Variants in GLIS3 observed in about 807,000 individuals in gnomAD.
GLIS3 encodes the protein GLIS family zinc finger 3.
GLIS3 carries 53 observed loss-of-function variants against 78.6 expected under a neutral mutation model. The ratio of observed to expected loss-of-function variants is 0.67; its 90% CI spans 0.54 to 0.85. GLIS3 has a LOEUF of 0.85. Among genes scored for constraint, GLIS3 ranks in the 40% least tolerant of loss-of-function variants. The pLI is 0.00. For missense variants in GLIS3, 1,703 were observed against 1,231.1 expected, an observed-to-expected ratio of 1.38 and a Z score of -5.74; for synonymous variants, 684 against 509.9, an observed-to-expected ratio of 1.34 and a Z score of -4.60.
the GLIS3 span, among the ~76,000 whole-genome samples, chr9:4,407,596 G>A: frequency 3.3e-5 from 5 of 152,202 alleles, no homozygotes; most frequent in East Asian, 1.9e-4. Context: ...GCGGTGAGCC[G>A]AGATCTCGCC....
the GLIS3 span, among the ~76,000 whole-genome samples, chr9:4,470,408 G>A: frequency 1.3e-5 from 2 of 152,154 alleles, no homozygotes; most frequent in Admixed American, 6.5e-5. Context: ...TATCCACCAC[G>A]ATCAAGTTGG....
chr9:4,192,966 G>A (rs1196346649), intron 2 of GLIS3, among the ~76,000 whole-genome samples: 1 of 152,262 alleles, frequency 6.6e-6, no homozygotes, highest in African/African-American at 2.4e-5. Flanking sequence ...GAAGAGTGCA[G>A]TGCAAGCTAT....
At chr9:4,147,763 AAC>A (rs1834341596) in intron 2 of GLIS3, 3 of 151,458 alleles carry the variant, frequency 2.0e-5, no homozygotes, top group African/African-American at 7.3e-5. Flanking sequence ...CAGGTGGGTG[AAC>A]TCACCCACCC....
At chr9:4,168,920 C>T (rs930611740) in intron 2 of GLIS3, among the ~76,000 whole-genome samples, 53 of 152,274 alleles carry the variant, frequency 3.5e-4, no homozygotes, top group Admixed American at 3.5e-3. Flanking sequence ...GAGAAAATTT[C>T]ATTATGCAAA....
chr9:4,052,648 T>C (rs1182661486), intron 4 of GLIS3, among the ~76,000 whole-genome samples: 2 of 152,220 alleles, frequency 1.3e-5, no homozygotes, highest in South Asian at 2.1e-4. Flanking sequence ...TTCATCAATG[T>C]TGCAGCATGT....
intron 6 of GLIS3, among the ~76,000 whole-genome samples, chr9:3,918,557 C>G (rs549884501): frequency 4.6e-5 from 7 of 152,140 alleles, no homozygotes; most frequent in Non-Finnish European, 1.0e-4. Context: ...AATGATGATA[C>G]TCTGGCTATC....
At chr9:3,975,292 G>A (rs531750131) in intron 4 of GLIS3, 5 of 152,130 alleles carry the variant, frequency 3.3e-5, no homozygotes, top group African/African-American at 4.8e-5. Flanking sequence ...ACACTCCCAG[G>A]GGGGCACAGG....
intron 4 of GLIS3, among the ~76,000 whole-genome samples, chr9:4,100,295 A>G (rs1479645217): frequency 6.6e-6 from 1 of 152,186 alleles, no homozygotes; most frequent in Non-Finnish European, 1.5e-5. Flanking sequence ...TATCCTAGTC[A>G]TTAACCTTAC....
At chr9:4,151,444 T>C (rs1337886746) in intron 2 of GLIS3, among the ~76,000 whole-genome samples, 3 of 152,154 alleles carry the variant, frequency 2.0e-5, no homozygotes, top group Admixed American at 1.3e-4. Flanking sequence ...TGAACCAACA[T>C]TCAGACTGCT....
At chr9:4,264,307 C>T (rs969552857) in intron 2 of GLIS3, among the ~76,000 whole-genome samples, 5 of 152,212 alleles carry the variant, frequency 3.3e-5, no homozygotes, top group Non-Finnish European at 7.3e-5. Context: ...AAACCCACCA[C>T]CACCACCATG....
chr9:4,165,808 T>C (rs1564140737), intron 2 of GLIS3, among the ~76,000 whole-genome samples: 1 of 152,156 alleles, frequency 6.6e-6, no homozygotes, highest in African/African-American at 2.4e-5. Flanking sequence ...TAGTCTTCAA[T>C]TGGGTGAGAT....
intron 2 of GLIS3, among the ~76,000 whole-genome samples, chr9:4,182,531 A>T (rs1478734581): frequency 6.6e-6 from 1 of 152,186 alleles, no homozygotes; most frequent in Admixed American, 6.5e-5. Context: ...ATGGATTAAA[A>T]ACTGAGAAAA....
chr9:4,334,598 T>G (rs1015019572), intron 2 of GLIS3, among the ~76,000 whole-genome samples: 2 of 152,256 alleles, frequency 1.3e-5, no homozygotes, highest in Non-Finnish European at 2.9e-5. Context: ...ACAGGTTACC[T>G]AGGTGAACGC....
the GLIS3 span, among the ~76,000 whole-genome samples, chr9:4,388,786 G>C: frequency 9.9e-5 from 15 of 152,172 alleles, no homozygotes; most frequent in African/African-American, 3.4e-4. Flanking sequence ...CCAGAAGAAA[G>C]AGAGTAAGAA....
the GLIS3 span, among the ~76,000 whole-genome samples, chr9:4,380,369 G>A: frequency 2.0e-5 from 3 of 152,144 alleles, no homozygotes; most frequent in African/African-American, 7.2e-5. Context: ...AATGATTTCA[G>A]AAATAAGGGG....
At position 3,932,484 on chromosome 9, in the gene GLIS3, AAAG is replaced by A; in HGVS notation, c.1873-17_1873-15del. 1.3e-6 allele frequency: 2 copies of A among 1,575,452 alleles called. No homozygotes were observed. The highest frequency in any genetic ancestry group is 1.7e-6 in the Non-Finnish European group (2 of 1,144,808). ...AGCATAAGGTTTCTAAATGAGAAAG[AAAG>A]AAAGAAACAGCTGTGGTTAAATCAT... On this transcript the variant is annotated splice_polypyrimidine_tract_variant and intron_variant, in intron 5 of 10. Transcript: ENST00000381971.
intron 3 of GLIS3, among the ~76,000 whole-genome samples, chr9:4,122,111 G>A (rs1011822726): frequency 6.6e-6 from 1 of 152,180 alleles, no homozygotes; most frequent in Non-Finnish European, 1.5e-5. Context: ...GAAACCATCA[G>A]CAAAAATGAT....
intron 2 of GLIS3, among the ~76,000 whole-genome samples, chr9:4,255,425 T>C (rs1055825340): frequency 2.0e-5 from 3 of 152,198 alleles, no homozygotes; most frequent in African/African-American, 7.2e-5. Flanking sequence ...TAGATGTTTA[T>C]AGCAACTTTA....
At chr9:3,852,775 C>T (rs1468586353) in intron 9 of GLIS3, among the ~76,000 whole-genome samples, 1 of 152,218 alleles carries the variant, frequency 6.6e-6, no homozygotes, top group African/African-American at 2.4e-5. Context: ...CCCTTTGCAA[C>T]CTCATTGCAA....
Sources: gnomAD v4.1 joint callset for allele counts (sites outside exome capture counted in the v4.1 genomes callset) on GRCh38, gnomAD v4.1.1 for gene constraint, MANE v1.5 for transcripts, NCBI Gene and HGNC (gene_info 2026-07-23, HGNC 2026-07-21) for gene names.